WDR35: variants seen among roughly 807,000 people sequenced by gnomAD.
WDR35 encodes the protein WD repeat domain 35.
A neutral mutation model predicts 158.3 loss-of-function variants in WDR35; 118 were observed. The ratio of observed to expected loss-of-function variants is 0.75; its 90% CI spans 0.64 to 0.87. WDR35 has a LOEUF of 0.87. Among genes scored for constraint, WDR35 ranks in the 40% least tolerant of loss-of-function variants. The pLI is 0.00. For synonymous variants in WDR35, 448 were observed against 476.1 expected (o/e 0.94, Z 0.77); for missense variants, 1,263 against 1,405.8 (o/e 0.90, Z 1.62).
intron 11 of WDR35, among the ~76,000 whole-genome samples, chr2:19,956,487 A>G (rs545426252): frequency 3.4e-4 from 52 of 152,324 alleles, no homozygotes; most frequent in African/African-American, 1.3e-3. Flanking sequence ...ACTTACTGTA[A>G]GTTGAAAATA....
At position 19,911,949 on chromosome 2, in the gene WDR35, C is replaced by G. The variant is rs1367978356; in HGVS notation, c.*1609G>C. ...GTGAAGTGTACTTGCCCCTGACACC[C>G]TTCTATAGAGCAAGTGTACATCGTT... On this transcript the variant is annotated 3_prime_UTR_variant, in exon 27 of 27. Transcript: ENST00000281405. 6.6e-6 allele frequency: 1 copy of G among 152,200 alleles called. No homozygotes were observed. Among genetic ancestry groups the G allele is most frequent in the Non-Finnish European group, 1.5e-5 (1 of 68,040 alleles). 9.4% of individuals were successfully genotyped at this position (152,200 alleles called of 1,614,324 possible).
chr2:19,964,177 T>C (rs937157379), intron 10 of WDR35, among the ~76,000 whole-genome samples: 6 of 152,138 alleles, frequency 3.9e-5, no homozygotes, highest in African/African-American at 1.2e-4. Flanking sequence ...CCCTGAAAGC[T>C]TGTAAGATTG....
At position 19,913,653 on chromosome 2, in the gene WDR35, G is replaced by C; in HGVS notation, c.3418C>G (p.Gln1140Glu). The change falls in exon 27 of 27, where the codon CAA (glutamine) becomes GAA (glutamate). Residue 1140 changes from glutamine (Q) to glutamate (E), a missense_variant. Coordinates refer to ENST00000281405, the MANE Select transcript of WDR35 (RefSeq NM_020779.4). ...VATGSPITEY[Q>E]FWMCSVCKHG... ...TTGCATACACTGCACATCCAGAATT[G>C]ATACTCAGTGATTGGGCTTCCTGTG... 2 of 1,614,042 alleles carry C rather than the reference G, an allele frequency of 1.2e-6. No homozygotes were observed. Among genetic ancestry groups the C allele is most frequent in the East Asian group, 4.5e-5 (2 of 44,868 alleles).
chr2:19,963,193 C>T (rs990719560), intron 10 of WDR35, among the ~76,000 whole-genome samples: 17 of 152,152 alleles, frequency 1.1e-4, no homozygotes, highest in Middle Eastern at 3.4e-3. Flanking sequence ...ACCATTTTGT[C>T]GGATCAGAAT....
At chr2:19,947,184 G>C (rs1037461687) in intron 14 of WDR35, among the ~76,000 whole-genome samples, 3 of 152,218 alleles carry the variant, frequency 2.0e-5, no homozygotes, top group African/African-American at 7.2e-5. Flanking sequence ...AATGCCATGA[G>C]AGAACTGTGG....
chr2:19,969,409 T>A, intron 9 of WDR35, 71 bp downstream of exon 9: 1 of 1,507,492 alleles, frequency 6.6e-7, no homozygotes, highest in Admixed American at 1.9e-5. Flanking sequence ...CAGCTTTGAA[T>A]ATACTTTGAG....
In WDR35 at chr2:19,946,320, G is replaced by A. The variant is rs1326060006; in HGVS notation, c.1634+141C>T. ...ATTAAAAACATTTAAACCAAATGCA[G>A]TATAAAATAAAACCATACTGAATTT... On this transcript the variant is annotated intron_variant, in intron 15 of 26. Coordinates refer to ENST00000281405, the MANE Select transcript of WDR35 (RefSeq NM_020779.4). The A allele has an allele frequency of 3.8e-6, 3 of 791,460 alleles. No homozygotes were observed. In the East Asian group the frequency reaches 8.0e-5, roughly 21 times the overall value. 49.0% of individuals were successfully genotyped at this position (791,460 alleles called of 1,614,324 possible).
intron 25 of WDR35, among the ~76,000 whole-genome samples, chr2:19,919,741 G>T (rs1670109481): frequency 6.6e-6 from 1 of 152,102 alleles, no homozygotes; most frequent in Non-Finnish European, 1.5e-5. Context: ...GATCACAGCA[G>T]AACTGAAGGA....
In WDR35 at chr2:19,990,093, C is replaced by T. The variant is rs1262503311; in HGVS notation, c.-78G>A. The T allele has an allele frequency of 3.2e-6, 5 of 1,580,288 alleles. No individual in the cohort carries two copies. The highest frequency in any genetic ancestry group is 2.3e-5 in the East Asian group (1 of 43,634). On this transcript the variant is annotated 5_prime_UTR_variant, in exon 1 of 27. Transcript: ENST00000281405. ...GGTTCTACGTCTCCAATCGGGAGTA[C>T]CAGCAGCTCCGGAAAGCTCCCGTCG... is the stretch of plus-strand genomic sequence containing the variant.
intron 4 of WDR35, among the ~76,000 whole-genome samples, chr2:19,979,804 C>T (rs1313029592): frequency 6.6e-6 from 1 of 150,462 alleles, no homozygotes; most frequent in East Asian, 2.0e-4. Flanking sequence ...CACACACACA[C>T]ACTTTTTAAA....
intron 5 of WDR35, among the ~76,000 whole-genome samples, chr2:19,977,442 C>A (rs1337433254): frequency 6.6e-6 from 1 of 152,208 alleles, no homozygotes; most frequent in African/African-American, 2.4e-5. Flanking sequence ...GCCCTGGGGA[C>A]TTCCATCCTC....
In WDR35 at chr2:19,975,696, G is replaced by T. The variant is rs759053108; in HGVS notation, c.437-33C>A. The T allele has an allele frequency of 3.1e-6, 5 of 1,613,586 alleles. No individual in the cohort carries two copies. The East Asian group carries it at 6.7e-5, about 22-fold the overall frequency. The stretch of plus-strand genomic sequence containing the variant: ...AAAACATTATTAAAAGTTGTTCAAG[G>T]TCATGATCCTCCAACAACGGCTTTC... On this transcript the variant is annotated intron_variant, in intron 5 of 26. Transcript: ENST00000281405.
intron 25 of WDR35, among the ~76,000 whole-genome samples, chr2:19,915,619 A>G (rs535096669): frequency 9.2e-5 from 14 of 152,136 alleles, no homozygotes; most frequent in South Asian, 8.3e-4. Flanking sequence ...CAGTTATAAA[A>G]TAAACATAAA....
At chr2:19,964,382 T>TG (rs147197816) in intron 10 of WDR35, among the ~76,000 whole-genome samples, 1 of 43,852 alleles carries the variant, frequency 2.3e-5, no homozygotes, top group Non-Finnish European at 4.5e-5. Context: ...TTTTCTTTTC[T>TG]TTTTTTTTTT....
chr2:19,926,788 G>T (rs1300377808), intron 25 of WDR35, among the ~76,000 whole-genome samples: 2 of 152,216 alleles, frequency 1.3e-5, no homozygotes, highest in Non-Finnish European at 2.9e-5. Flanking sequence ...TGGGGTAGAG[G>T]TTATGCTTGT....
At chr2:19,968,990 G>C (rs1017456770) in intron 9 of WDR35, among the ~76,000 whole-genome samples, 1 of 152,216 alleles carries the variant, frequency 6.6e-6, no homozygotes, top group African/African-American at 2.4e-5. Context: ...AGCAAGTGGA[G>C]AGGTGAGTTG....
chr2:19,951,605 T>C, intron 12 of WDR35, 121 bp from the exon 13 acceptor site: 3 of 786,546 alleles, frequency 3.8e-6, no homozygotes, highest in Non-Finnish European at 6.0e-6. Context: ...AAATTCTGAT[T>C]ATTTTAGAGA....
chr2:19,948,056 G>A, intron 14 of WDR35, 108 bp downstream of exon 14: 2 of 869,484 alleles, frequency 2.3e-6, no homozygotes, highest in Non-Finnish European at 3.5e-6. Flanking sequence ...TCCTGCTTCA[G>A]CTTCCCAAGT....
At chr2:19,978,565 C>T (rs919747089) in intron 5 of WDR35, among the ~76,000 whole-genome samples, 186 bp downstream of exon 5, 32 of 152,250 alleles carry the variant, frequency 2.1e-4, no homozygotes, top group African/African-American at 7.7e-4. Flanking sequence ...CTTGAATATA[C>T]ATAAAAACAG....
Sources: allele counts gnomAD v4.1 joint callset (sites outside exome capture counted in the v4.1 genomes callset), GRCh38; gene constraint gnomAD v4.1.1; transcripts MANE v1.5; gene names NCBI Gene and HGNC (gene_info 2026-07-23, HGNC 2026-07-21).